ABCB1: variants seen among roughly 807,000 people sequenced by gnomAD.
ABCB1 encodes ATP-dependent translocase ABCB1.
ABCB1 carries 69 observed loss-of-function variants against 142.0 expected under a neutral mutation model. The ratio of observed to expected loss-of-function variants is 0.49; its 90% confidence interval spans 0.40 to 0.59. The LOEUF is 0.59. Ranked by LOEUF, ABCB1 falls within the 20% of genes least tolerant of loss-of-function variation. The probability of loss-of-function intolerance (pLI) is 0.00; values close to 1 mark genes in which losing one functional copy is unlikely to be tolerated. For missense variants in ABCB1, 1,326 were observed against 1,554.7 expected, an observed-to-expected ratio of 0.85 and a Z score of 2.47; for synonymous variants, 532 against 539.2, an observed-to-expected ratio of 0.99 and a Z score of 0.18.
intron 9 of ABCB1, among the ~76,000 whole-genome samples, chr7:87,552,027 C>G (rs1013595165): frequency 6.6e-5 from 10 of 152,166 alleles, no homozygotes; most frequent in African/African-American, 2.2e-4. Flanking sequence ...GTTCTCCCTA[C>G]CCAGCAATCA....
chr7:87,652,155 T>C (rs1337927659), intron 1 of ABCB1, among the ~76,000 whole-genome samples: 9 of 152,140 alleles, frequency 5.9e-5, no homozygotes, highest in African/African-American at 2.2e-4. Flanking sequence ...TGGAATAGAA[T>C]AGACTCTGAT....
intron 1 of ABCB1, among the ~76,000 whole-genome samples, chr7:87,614,584 TAAAG>T (rs1348608448): frequency 6.6e-6 from 1 of 152,166 alleles, no homozygotes; most frequent in African/African-American, 2.4e-5. Context: ...TCAGATTAAA[TAAAG>T]ATATTTTTCA....
intron 1 of ABCB1, among the ~76,000 whole-genome samples, chr7:87,609,752 TAG>T (rs1819784454): frequency 6.6e-6 from 1 of 152,166 alleles, no homozygotes. Context: ...CTGTAGGTCC[TAG>T]AGTACATTTT....
intron 1 of ABCB1, among the ~76,000 whole-genome samples, chr7:87,656,429 A>G (rs1253982322): frequency 6.6e-6 from 1 of 152,116 alleles, no homozygotes; most frequent in Non-Finnish European, 1.5e-5. Flanking sequence ...GAGGACTGGA[A>G]CGATGCAGAG....
rs538203852 is a variant in ABCB1 at position 87,630,533 on chromosome 7, C to T, written c.-330-29455G>A. Reference sequence around the variant, plus strand: ...TGGAACCATAAGCAAGGCTGATTTTCTTAACCATAATATACAGACATCAAA... The same window carrying T: ...TGGAACCATAAGCAAGGCTGATTTTTTTAACCATAATATACAGACATCAAA... On this transcript the variant is annotated intron_variant, in intron 1 of 28. Transcript: ENST00000265724. Among the ~76,000 whole-genome samples, 51 of 152,098 alleles carry T rather than the reference C, an allele frequency of 3.4e-4. No individual in the cohort carries two copies. The South Asian group carries it at 0.01, about 31-fold the overall frequency.
At chr7:87,505,254 G>A (rs982356793) in intron 27 of ABCB1, among the ~76,000 whole-genome samples, 4 of 152,136 alleles carry the variant, frequency 2.6e-5, no homozygotes, top group South Asian at 4.2e-4. Flanking sequence ...TGTGAGCCAC[G>A]GCAGTAGGTG....
intron 4 of ABCB1, among the ~76,000 whole-genome samples, chr7:87,576,233 C>T (rs2129871965): frequency 6.6e-6 from 1 of 151,564 alleles, no homozygotes; most frequent in Admixed American, 6.6e-5. Context: ...GGCTTGAAAA[C>T]CCTTAACCAA....
intron 1 of ABCB1, among the ~76,000 whole-genome samples, chr7:87,617,319 C>A (rs1461582345): frequency 6.6e-6 from 1 of 152,150 alleles, no homozygotes; most frequent in South Asian, 2.1e-4. Context: ...TAGAAGATAA[C>A]AAAGTCCCAG....
At chr7:87,628,084 G>A (rs1233256121) in intron 1 of ABCB1, among the ~76,000 whole-genome samples, 1 of 152,218 alleles carries the variant, frequency 6.6e-6, no homozygotes, top group Non-Finnish European at 1.5e-5. Flanking sequence ...CGGCAGCCAC[G>A]CAAATAGGTA....
intron 1 of ABCB1, among the ~76,000 whole-genome samples, chr7:87,631,628 C>T (rs183050026): frequency 0.01 from 1,575 of 152,280 alleles, 12 homozygotes; most frequent in Non-Finnish European, 0.013. Context: ...CTGCTGACCT[C>T]GTGATCCGCC....
intron 20 of ABCB1, 75 bp downstream of exon 20, chr7:87,536,383 A>G: frequency 7.6e-7 from 1 of 1,319,296 alleles, no homozygotes; most frequent in African/African-American, 1.4e-5. Context: ...TAACACCCGT[A>G]AGGAGAAAAT....
At chr7:87,605,312 T>G (rs1819610040), upstream of ABCB1, among the ~76,000 whole-genome samples, 1 of 152,152 alleles carries the variant, frequency 6.6e-6, no homozygotes, top group African/African-American at 2.4e-5. Context: ...TTTTGTAATT[T>G]TAGTAGAAAT....
chr7:87,583,426 A>G (rs557728518), intron 4 of ABCB1, among the ~76,000 whole-genome samples: 1 of 152,344 alleles, frequency 6.6e-6, no homozygotes, highest in Admixed American at 6.5e-5. Context: ...AAACTTTCAA[A>G]TATTTCTCTA....
intron 1 of ABCB1, among the ~76,000 whole-genome samples, chr7:87,653,577 T>G (rs1823792867): frequency 6.6e-6 from 1 of 152,142 alleles, no homozygotes; most frequent in South Asian, 2.1e-4. Context: ...ATCAAGTTAT[T>G]GGACAGGTTA....
In ABCB1 at chr7:87,600,292, G is replaced by A. The variant is rs1584914617; in HGVS notation, c.-6-102C>T. The A allele has an allele frequency of 2.1e-6, 2 of 943,620 alleles. No individual in the cohort carries two copies. The highest frequency in any genetic ancestry group is 1.4e-5 in the South Asian group (1 of 72,144). The allele number at this position is 943,620 out of a possible 1,614,324, so 58.5% of individuals were successfully genotyped here. On this transcript the variant is annotated intron_variant, in intron 1 of 27. Coordinates refer to ENST00000622132, the MANE Select transcript of ABCB1 (RefSeq NM_001348946.2). ...CCGTCGAAGCCAGAGAGCAGTAAGA[G>A]GGAGCGCCCGCCGTTGATGCCCCAG...
intron 7 of ABCB1, among the ~76,000 whole-genome samples, chr7:87,562,763 GAAAAAA>G (rs1256115733): frequency 1.2e-5 from 1 of 86,180 alleles, no homozygotes; most frequent in African/African-American, 3.6e-5. Context: ...TCTGTGAAAA[GAAAAAA>G]AAAAAAAAAA....
At chr7:87,661,313 T>C (rs1410147644) in intron 1 of ABCB1, among the ~76,000 whole-genome samples, 1 of 151,950 alleles carries the variant, frequency 6.6e-6, no homozygotes, top group Non-Finnish European at 1.5e-5. Context: ...AAATTATTAT[T>C]AACTGTAGTC....
intron 1 of ABCB1, among the ~76,000 whole-genome samples, chr7:87,611,550 AT>A (rs59443388): frequency 0.014 from 2,087 of 145,062 alleles, 38 homozygotes; most frequent in African/African-American, 0.043. Flanking sequence ...AAAGGACATG[AT>A]TTTTTTTTTT....
intron 1 of ABCB1, chr7:87,628,792 C>G: frequency 8.3e-7 from 1 of 1,201,694 alleles, no homozygotes; most frequent in Non-Finnish European, 1.1e-6. Flanking sequence ...CGGGGTGGCA[C>G]GAGACAAAAG....
Sources: gnomAD v4.1 joint callset for allele counts (sites outside exome capture counted in the v4.1 genomes callset) on GRCh38, gnomAD v4.1.1 for gene constraint, MANE v1.5 for transcripts, NCBI Gene and HGNC (gene_info 2026-07-23, HGNC 2026-07-21) for gene names.